Variants in RIMKLB observed in about 807,000 individuals in gnomAD.
RIMKLB encodes the protein ribosomal modification protein rimK like family member B.
A neutral mutation model predicts 32.0 loss-of-function variants in RIMKLB; 7 were observed. The observed-to-expected ratio is 0.22, with a 90% CI of 0.12 to 0.41. The LOEUF is 0.41. Among genes scored for constraint, RIMKLB ranks in the 10% least tolerant of loss-of-function variants. The probability of loss-of-function intolerance (pLI) is 1.00; values close to 1 mark genes in which losing one functional copy is unlikely to be tolerated. For missense variants in RIMKLB, 289 were observed against 498.7 expected (o/e 0.58, Z 4.00); for synonymous variants, 172 against 185.1 (o/e 0.93, Z 0.57).
At position 8,706,437 on chromosome 12, in the gene RIMKLB, G is replaced by T. The variant is rs760496273; in HGVS notation, c.-56-7374G>T. ...TGGAATTACAGGTGTGAGCCACCACGCCTGGACTTTTTTTTTTTTTTTTTT... is the reference window on the plus strand; with the variant it reads ...TGGAATTACAGGTGTGAGCCACCACTCCTGGACTTTTTTTTTTTTTTTTTT... On this transcript the variant is annotated intron_variant, in intron 1 of 5. Coordinates refer to ENST00000535829, the MANE Select transcript of RIMKLB (RefSeq NM_001297776.2). 7.7e-4 allele frequency among the ~76,000 whole-genome samples: 107 copies of T among 139,570 alleles called. 1 individual carries two copies. Among genetic ancestry groups the T allele is most frequent in the Middle Eastern group, 4.2e-3 (1 of 240 alleles). 91.6% of individuals were successfully genotyped at this position (139,570 alleles called of 152,430 possible).
intron 1 of RIMKLB, among the ~76,000 whole-genome samples, chr12:8,691,999 G>A (rs1457214013): frequency 6.9e-6 from 1 of 144,002 alleles, no homozygotes; most frequent in African/African-American, 2.5e-5. Flanking sequence ...TGCACCAAGA[G>A]AGGGTTTTTT....
At chr12:8,739,646 A>C (rs991981169) in intron 2 of RIMKLB, among the ~76,000 whole-genome samples, 10 of 152,012 alleles carry the variant, frequency 6.6e-5, no homozygotes, top group Admixed American at 5.9e-4. Flanking sequence ...GATTTTTAAA[A>C]ATTTTTTTGT....
chr12:8,760,096 TCCCCTA>T (rs1273225343), intron 5 of RIMKLB, among the ~76,000 whole-genome samples: 2 of 152,066 alleles, frequency 1.3e-5, no homozygotes, highest in Non-Finnish European at 1.5e-5. Flanking sequence ...CCCTCCCCCT[TCCCCTA>T]CCCCACAACA....
At chr12:8,749,274 T>G (rs60925344) in intron 2 of RIMKLB, among the ~76,000 whole-genome samples, 4,941 of 151,730 alleles carry the variant, frequency 0.033, 272 homozygotes, top group African/African-American at 0.11. Flanking sequence ...GCAGTGGCAC[T>G]ATCTCTGGTC....
chr12:8,702,588 T>C (rs1249337452), intron 1 of RIMKLB, among the ~76,000 whole-genome samples: 1 of 152,226 alleles, frequency 6.6e-6, no homozygotes, highest in African/African-American at 2.4e-5. Context: ...CTGTATAAGA[T>C]CAGACCATTT....
chr12:8,748,693 T>C (rs2137694826), intron 2 of RIMKLB, among the ~76,000 whole-genome samples: 1 of 151,718 alleles, frequency 6.6e-6, no homozygotes, highest in African/African-American at 2.4e-5. Context: ...CCTGTAAGCA[T>C]TTTGGGAGGC....
chr12:8,686,852 G>T (rs1005824099), intron 1 of RIMKLB, among the ~76,000 whole-genome samples: 8 of 152,158 alleles, frequency 5.3e-5, no homozygotes, highest in Admixed American at 4.6e-4. Context: ...TCAATCCTAT[G>T]CAGATTTGGA....
At chr12:8,753,828 A>T in intron 4 of RIMKLB, 62 bp from the exon 5 acceptor site, 1 of 1,257,116 alleles carries the variant, frequency 8.0e-7, no homozygotes, top group East Asian at 2.4e-5. Flanking sequence ...AGATTCAGAT[A>T]ATAGGTATCA....
chr12:8,766,931 T>C (rs182699942), intron 5 of RIMKLB, among the ~76,000 whole-genome samples: 8 of 152,378 alleles, frequency 5.3e-5, no homozygotes, highest in Non-Finnish European at 8.8e-5. Flanking sequence ...TGAGGTTTCC[T>C]CTAAAGATTA....
intron 1 of RIMKLB, among the ~76,000 whole-genome samples, chr12:8,684,779 C>CAT (rs1942520355): frequency 6.6e-6 from 1 of 152,108 alleles, no homozygotes; most frequent in Non-Finnish European, 1.5e-5. Flanking sequence ...TGCCACCACG[C>CAT]CCAGCTAGTT....
chr12:8,721,645 G>A (rs745875930), intron 2 of RIMKLB, among the ~76,000 whole-genome samples: 1 of 152,294 alleles, frequency 6.6e-6, no homozygotes, highest in South Asian at 2.1e-4. Flanking sequence ...CTGAAGTCTT[G>A]AAGCCCTCAT....
rs1482998422 is a variant in RIMKLB, at chr12:8,730,830, C to G, written c.175+16789C>G. Among the ~76,000 whole-genome samples, 2 of 151,756 alleles carry G rather than the reference C, an allele frequency of 1.3e-5. 1 individual carries two copies. Among genetic ancestry groups the G allele is most frequent in the South Asian group, 4.2e-4 (2 of 4,802 alleles). On this transcript the variant is annotated intron_variant, in intron 2 of 5. Transcript: ENST00000535829. Reference sequence around the variant, plus strand: ...TCTCGGCCCACTGCAACCTCCTCCTCCCAGGTTCCAGAGATTCTCCTGTCT... The same window carrying G: ...TCTCGGCCCACTGCAACCTCCTCCTGCCAGGTTCCAGAGATTCTCCTGTCT...
At chr12:8,704,857 T>C (rs1421245622) in intron 1 of RIMKLB, among the ~76,000 whole-genome samples, 2 of 126 alleles carry the variant, frequency 0.016, no homozygotes, top group African/African-American at 0.11. Flanking sequence ...TGGTGGTACA[T>C]ACCTGTCATC....
At chr12:8,683,438 G>A (rs1273339627) in intron 1 of RIMKLB, among the ~76,000 whole-genome samples, 1 of 152,102 alleles carries the variant, frequency 6.6e-6, no homozygotes, top group East Asian at 1.9e-4. Flanking sequence ...TCCGTGTTCT[G>A]AATTTTGGCC....
upstream of RIMKLB, among the ~76,000 whole-genome samples, chr12:8,696,194 GTTTAT>G (rs1250361852): frequency 2.0e-5 from 3 of 151,842 alleles, no homozygotes; most frequent in African/African-American, 7.2e-5. Context: ...ATTTCACTGT[GTTTAT>G]TTTGTCAGAT....
chr12:8,741,409 T>C, intron 2 of RIMKLB, among the ~76,000 whole-genome samples: 1 of 149,702 alleles, frequency 6.7e-6, no homozygotes, highest in Admixed American at 6.6e-5. Flanking sequence ...TTCTTCAATT[T>C]GAAGTATAAC....
intron 1 of RIMKLB, among the ~76,000 whole-genome samples, chr12:8,682,217 G>A (rs1942427333): frequency 6.6e-6 from 1 of 152,138 alleles, no homozygotes; most frequent in South Asian, 2.1e-4. Context: ...AGAACATGTA[G>A]TTCCTAAATC....
intron 2 of RIMKLB, among the ~76,000 whole-genome samples, chr12:8,740,720 C>T (rs1947425839): frequency 6.6e-6 from 1 of 152,182 alleles, no homozygotes; most frequent in Admixed American, 6.5e-5. Context: ...AATTGACATG[C>T]ACTTAGAGAA....
At position 8,698,183 on chromosome 12, in the gene RIMKLB, A is replaced by G; in HGVS notation, c.-171A>G. 3.0e-6 allele frequency: 1 copy of G among 329,282 alleles called. No individual in the cohort carries two copies. Among genetic ancestry groups the G allele is most frequent in the Non-Finnish European group, 6.2e-6 (1 of 162,428 alleles). The allele number at this position is 329,282 out of a possible 1,614,324, so 20.4% of individuals were successfully genotyped here. ...AAAGGAGGCGGCTCCCGGTATCCCGACCCCCTCCCCCTCCTCTCCTTCCCC... is the reference window on the plus strand; with the variant it reads ...AAAGGAGGCGGCTCCCGGTATCCCGGCCCCCTCCCCCTCCTCTCCTTCCCC... On this transcript the variant is annotated 5_prime_UTR_variant, in exon 1 of 6. Transcript: ENST00000535829.
Sources: allele counts gnomAD v4.1 joint callset (sites outside exome capture counted in the v4.1 genomes callset), GRCh38; gene constraint gnomAD v4.1.1; transcripts MANE v1.5; gene names NCBI Gene and HGNC (gene_info 2026-07-23, HGNC 2026-07-21).